The following ATAD2 variants were observed in gnomAD, a reference collection of about 807,000 sequenced individuals.
ATAD2 encodes ATPase family AAA domain containing 2.
In ATAD2, 62 loss-of-function variants were observed where a neutral mutation model predicts 168.9. The ratio of observed to expected loss-of-function variants is 0.37; its 90% confidence interval spans 0.30 to 0.45. The LOEUF (loss-of-function observed/expected upper bound fraction) is 0.45. ATAD2 is among the 20% of genes least tolerant of loss of function. ATAD2 has a pLI of 1.00. For missense variants in ATAD2, 1,419 were observed against 1,667.8 expected (o/e 0.85, Z 2.60); for synonymous variants, 613 against 571.6 (o/e 1.07, Z -1.03).
intron 1 of ATAD2, among the ~76,000 whole-genome samples, chr8:123,415,172 G>T (rs904628502): frequency 6.6e-6 from 1 of 152,052 alleles, no homozygotes; most frequent in African/African-American, 2.4e-5. Flanking sequence ...GCTTAGTTTC[G>T]CTGGATACAA....
At position 123,377,091 on chromosome 8, in the gene ATAD2, C is replaced by CAAAAAAAAAAAAAAAAAAAAAAAA. The variant is rs58655606; in HGVS notation, c.320+3437_320+3438insTTTTTTTTTTTTTTTTTTTTTTTT. Among the ~76,000 whole-genome samples, 42 of 27,256 alleles carry CAAAAAAAAAAAAAAAAAAAAAAAA rather than the reference C, an allele frequency of 1.5e-3. 12 individuals are homozygous for CAAAAAAAAAAAAAAAAAAAAAAAA. The highest frequency in any genetic ancestry group is 6.5e-3 in the Admixed American group (9 of 1,394). 17.9% of individuals were successfully genotyped at this position (27,256 alleles called of 152,430 possible). On this transcript the variant is annotated intron_variant, in intron 2 of 27. Transcript: ENST00000287394. ...GGGCAAAAAGAGTGAGACTCCGTCT[C>CAAAAAAAAAAAAAAAAAAAAAAAA]AAAAAAAAAAAAAAAAAAAAAGAGC...
Position 123,349,381 on chromosome 8 carries a change from G to A in ATAD2, c.1710C>T (p.Val570=), listed in dbSNP as rs1239203949. ...DGLDSRGEIV[V]IGATNRLDSI... Reference sequence around the variant, plus strand: ...AATCTAGCCTGTTCGTAGCACCAATGACCACAATTTCCCCTCTGCTGTCCA... The same window carrying A: ...AATCTAGCCTGTTCGTAGCACCAATAACCACAATTTCCCCTCTGCTGTCCA... Residue 570 remains valine (V), a synonymous_variant, in exon 14 of 28, where the codon GTC becomes GTT. Coordinates refer to ENST00000287394, the MANE Select transcript of ATAD2 (RefSeq NM_014109.4). 7 of 1,614,022 alleles carry A rather than the reference G, an allele frequency of 4.3e-6. No individual in the cohort carries two copies. Among genetic ancestry groups the A allele is most frequent in the African/African-American group, 2.7e-5 (2 of 75,012 alleles).
intron 19 of ATAD2, among the ~76,000 whole-genome samples, chr8:123,340,713 A>G (rs4484684): frequency 5.3e-5 from 8 of 152,234 alleles, no homozygotes; most frequent in Non-Finnish European, 1.2e-4. Context: ...AAAGACAAAT[A>G]CATATTCAAA....
At chr8:123,400,674 C>G (rs1370354992), upstream of ATAD2, 1 of 728,550 alleles carries the variant, frequency 1.4e-6, no homozygotes, top group Non-Finnish European at 2.5e-6. This position sits in a 1 kb window ranked among gnomAD's most constrained non-coding sequence, Gnocchi z 4.5. Context: ...TCACCTACAA[C>G]GAGTTCCTGA....
chr8:123,373,534 A>C (rs549790049), intron 2 of ATAD2, among the ~76,000 whole-genome samples: 1 of 152,262 alleles, frequency 6.6e-6, no homozygotes, highest in African/African-American at 2.4e-5. Flanking sequence ...CACACCTGTA[A>C]TCTCAGCACT....
chr8:123,329,483 C>G (rs12674953), intron 24 of ATAD2, among the ~76,000 whole-genome samples: 1 of 152,096 alleles, frequency 6.6e-6, no homozygotes, highest in Non-Finnish European at 1.5e-5. Context: ...TTTAACCTGG[C>G]TGGGCGCGGT....
intron 20 of ATAD2, 88 bp downstream of exon 20, chr8:123,339,221 TTG>T: frequency 1.0e-5 from 12 of 1,163,068 alleles, no homozygotes; most frequent in Non-Finnish European, 1.3e-5. Context: ...GGTTTTGAGC[TTG>T]TGTTATCAGA....
chr8:123,348,000 A>G (rs1217071937), intron 15 of ATAD2, 183 bp downstream of exon 15: 5 of 650,646 alleles, frequency 7.7e-6, no homozygotes, highest in South Asian at 1.7e-5. Context: ...AATGCCACAA[A>G]TAAGAGATAA....
intron 1 of ATAD2, among the ~76,000 whole-genome samples, chr8:123,410,253 T>C (rs562216476): frequency 1.4e-3 from 219 of 151,214 alleles, no homozygotes; most frequent in Non-Finnish European, 2.8e-3. Flanking sequence ...ACCATATCCG[T>C]TTTTATAGTT....
chr8:123,328,627 C>T (rs1827681450), intron 24 of ATAD2, 48 bp from the exon 25 acceptor site: 1 of 1,483,922 alleles, frequency 6.7e-7, no homozygotes, highest in Admixed American at 2.4e-5. Flanking sequence ...CAACCATTTT[C>T]TGAAATTCAA....
At chr8:123,341,498 G>A (rs1354701834) in intron 19 of ATAD2, among the ~76,000 whole-genome samples, 2 of 152,130 alleles carry the variant, frequency 1.3e-5, no homozygotes, top group African/African-American at 4.8e-5. Context: ...GTGTTAATCA[G>A]AACACTGCTA....
In ATAD2 at chr8:123,325,107, T is replaced by TC. The variant is rs1264630284; in HGVS notation, c.4002+785_4002+786insG. Among the ~76,000 whole-genome samples, 413 of 146,896 alleles carry TC rather than the reference T, an allele frequency of 2.8e-3. 4 individuals are homozygous for TC. Among genetic ancestry groups the TC allele is most frequent in the African/African-American group, 9.7e-3 (392 of 40,306 alleles). ...AAATAATAGTAATAATTCTTTTTTT[T>TC]TTTTTTTTTTTGGAGACAGAGTTTT... On this transcript the variant is annotated intron_variant, in intron 26 of 27. Transcript: ENST00000287394.
chr8:123,340,213 G>T (rs1828025959), intron 19 of ATAD2, among the ~76,000 whole-genome samples: 1 of 152,106 alleles, frequency 6.6e-6, no homozygotes, highest in African/African-American at 2.4e-5. Flanking sequence ...GGTTTGTTGA[G>T]ATCAATTAAT....
At chr8:123,356,683 T>C (rs1291431466) in intron 12 of ATAD2, among the ~76,000 whole-genome samples, 1 of 151,172 alleles carries the variant, frequency 6.6e-6, no homozygotes, top group Non-Finnish European at 1.5e-5. Flanking sequence ...GGAGTCTCAC[T>C]GTCACCCAGG....
intron 5 of ATAD2, 27 bp from the exon 6 acceptor site, chr8:123,371,017 AAC>A: frequency 2.0e-6 from 3 of 1,480,308 alleles, no homozygotes; most frequent in Non-Finnish European, 2.8e-6. Context: ...AAAAGCCATT[AAC>A]ATTTGGAATC....
chr8:123,368,198 ACTTG>A, intron 8 of ATAD2, among the ~76,000 whole-genome samples: 1 of 152,300 alleles, frequency 6.6e-6, no homozygotes, highest in East Asian at 1.9e-4. Flanking sequence ...CGAGTGGATC[ACTTG>A]AGGTCAAGAG....
In ATAD2 at chr8:123,320,232, A is replaced by G. The variant is rs1827429830; in HGVS notation, c.*902T>C. 6.6e-6 allele frequency: 1 copy of G among 152,038 alleles called. No individual in the cohort carries two copies. Among genetic ancestry groups the G allele is most frequent in the African/African-American group, 2.4e-5 (1 of 41,434 alleles). 9.4% of individuals were successfully genotyped at this position (152,038 alleles called of 1,614,324 possible). Reference sequence around the variant, plus strand: ...GCTATTTCACAAACTGATTATTAGAATGTCTTCTCCCCACTCTCCCCAAAA... The same window carrying G: ...GCTATTTCACAAACTGATTATTAGAGTGTCTTCTCCCCACTCTCCCCAAAA... On this transcript the variant is annotated 3_prime_UTR_variant, in exon 28 of 28. Coordinates refer to ENST00000287394, the MANE Select transcript of ATAD2 (RefSeq NM_014109.4).
intron 8 of ATAD2, among the ~76,000 whole-genome samples, chr8:123,366,882 G>A (rs563336304): frequency 2.7e-5 from 4 of 149,840 alleles, no homozygotes; most frequent in Non-Finnish European, 5.9e-5. Flanking sequence ...AAAAACCTAC[G>A]GAAATAAAAA....
intron 2 of ATAD2, among the ~76,000 whole-genome samples, chr8:123,378,811 G>A (rs975577623): frequency 6.1e-5 from 9 of 148,212 alleles, no homozygotes; most frequent in Non-Finnish European, 1.0e-4. Flanking sequence ...ATGTAAAAAC[G>A]ATTCTTTTTT....
Sources: allele counts gnomAD v4.1 joint callset (sites outside exome capture counted in the v4.1 genomes callset), GRCh38; gene constraint gnomAD v4.1.1; non-coding constraint Gnocchi (gnomAD v3.1); transcripts MANE v1.5; gene names NCBI Gene and HGNC (gene_info 2026-07-23, HGNC 2026-07-21).